The following FAM98B variants were observed in gnomAD, a reference collection of about 807,000 sequenced individuals.
The protein encoded by FAM98B is tRNA-splicing ligase complex subunit FAM98B.
A neutral mutation model predicts 43.9 loss-of-function variants in FAM98B; 32 were observed. The observed-to-expected ratio is 0.73, with a 90% CI of 0.55 to 0.98. The LOEUF is 0.98. Ranked by LOEUF, FAM98B falls within the 50% of genes least tolerant of loss-of-function variation. FAM98B has a pLI of 0.00. For missense variants in FAM98B, 514 were observed against 522.9 expected, an observed-to-expected ratio of 0.98 and a Z score of 0.17; for synonymous variants, 190 against 174.0, an observed-to-expected ratio of 1.09 and a Z score of -0.72.
At chr15:38,467,417 T>A (rs951200742) in intron 3 of FAM98B, among the ~76,000 whole-genome samples, 11 of 151,622 alleles carry the variant, frequency 7.3e-5, no homozygotes, top group African/African-American at 9.7e-5. Context: ...CTACAGAAAA[T>A]TTTTTTTTAA....
intron 1 of FAM98B, 123 bp from the exon 2 acceptor site, chr15:38,463,909 A>G (rs980969700): frequency 1.1e-6 from 1 of 901,348 alleles, no homozygotes; most frequent in Non-Finnish European, 1.6e-6. Context: ...TAATACATTT[A>G]ATGGCTGTGT....
chr15:38,454,210 C>T lies in FAM98B; in HGVS notation c.49C>T (p.Leu17=), dbSNP rs1266467735. ...CCAACCGACGATGGAGGGAGACGTG[C>T]TGGACACACTGGAGGCGCTGGGGTG... The part of the protein sequence containing the change: ...GPQPTMEGDV[L]DTLEALGYKG... Residue 17 remains leucine, a synonymous_variant, in exon 1 of 8, where the codon CTG becomes TTG. Coordinates refer to ENST00000397609, the MANE Select transcript of FAM98B (RefSeq NM_173611.4). 2.5e-6 allele frequency: 4 copies of T among 1,603,644 alleles called. No individual in the cohort carries two copies. Among genetic ancestry groups the T allele is most frequent in the Non-Finnish European group, 3.4e-6 (4 of 1,176,372 alleles).
chr15:38,480,209 G>T (rs929346821), intron 6 of FAM98B, among the ~76,000 whole-genome samples: 1 of 152,104 alleles, frequency 6.6e-6, no homozygotes, highest in Non-Finnish European at 1.5e-5. Flanking sequence ...ACCTCAAACA[G>T]TTAACTTTTT....
intron 4 of FAM98B, among the ~76,000 whole-genome samples, chr15:38,471,915 T>G (rs2141057977): frequency 6.6e-6 from 1 of 152,314 alleles, no homozygotes; most frequent in South Asian, 2.1e-4. Flanking sequence ...GTGAGGTGGT[T>G]ATAAATGTTT....
intron 1 of FAM98B, chr15:38,458,994 A>G (rs1889900959): frequency 2.7e-6 from 1 of 372,828 alleles, no homozygotes; most frequent in Admixed American, 3.2e-5. Flanking sequence ...CACAGGACTC[A>G]TGGAATAGGT....
At chr15:38,474,400 C>A (rs1162677970) in intron 6 of FAM98B, 102 bp downstream of exon 6, 8 of 697,246 alleles carry the variant, frequency 1.1e-5, no homozygotes, top group Non-Finnish European at 1.9e-5. Context: ...TACTTCATCA[C>A]CATCTCAACT....
At chr15:38,483,540 C>G (rs1284946375) in intron 7 of FAM98B, 1 of 151,410 alleles carries the variant, frequency 6.6e-6, no homozygotes, top group African/African-American at 2.4e-5. Context: ...GTGGCGGGTG[C>G]CTGTAGTCCC....
At chr15:38,466,247 A>C (rs1222008164) in intron 3 of FAM98B, among the ~76,000 whole-genome samples, 1 of 151,454 alleles carries the variant, frequency 6.6e-6, no homozygotes, top group Non-Finnish European at 1.5e-5. Flanking sequence ...ATTGGCATTG[A>C]AATTACCTTG....
chr15:38,481,789 A>G (rs1016826304), intron 7 of FAM98B: 1 of 580,052 alleles, frequency 1.7e-6, no homozygotes, highest in Non-Finnish European at 2.9e-6. Context: ...GTACTGACAG[A>G]TTCGTTATAT....
intron 1 of FAM98B, chr15:38,458,624 A>G (rs1889890789): frequency 5.5e-6 from 1 of 181,266 alleles, no homozygotes; most frequent in African/African-American, 2.4e-5. Flanking sequence ...CCTTACAATC[A>G]CTTCTCACTA....
intron 5 of FAM98B, 104 bp from the exon 6 acceptor site, chr15:38,474,078 C>A: frequency 1.4e-6 from 1 of 726,868 alleles, no homozygotes; most frequent in Non-Finnish European, 2.3e-6. Flanking sequence ...TCAGTAAGTA[C>A]ATCTTTTGAC....
intron 4 of FAM98B, among the ~76,000 whole-genome samples, chr15:38,472,822 G>C (rs574091418): frequency 1.6e-4 from 24 of 152,116 alleles, no homozygotes; most frequent in South Asian, 1.0e-3. Flanking sequence ...ATTTGGTTTT[G>C]TAAATATTTT....
intron 7 of FAM98B, chr15:38,481,766 G>A (rs372660117): frequency 7.8e-5 from 58 of 748,194 alleles, no homozygotes; most frequent in African/African-American, 7.3e-4. Flanking sequence ...AGAATCTTTC[G>A]GAATTGTTTC....
rs1890329323 is a variant in FAM98B, at chr15:38,484,263, G to A, written c.906G>A (p.Met302Ile). ...AATGTTTCTTCACACAGGTGCTGAT[G>A]GGAAGGGTGCCTGACAGGGGAGGCC... ...KTACAINKVL[M>I]GRVPDRGGRP... is the part of the protein sequence containing the mutation. Residue 302 changes from methionine (M) to isoleucine (I), a missense_variant, in exon 8 of 8, where the codon ATG becomes ATA. Physicochemically the swap from Met to Ile is conservative, Grantham distance 10 (BLOSUM62 1). Around this residue, in one of 2 missense-constraint regions of FAM98B, gnomAD observed 469 missense variants for 451.8 expected, o/e 1.04. Coordinates refer to ENST00000397609, the MANE Select transcript of FAM98B (RefSeq NM_173611.4). 6.5e-6 allele frequency: 10 copies of A among 1,549,656 alleles called. No homozygotes were observed. The highest frequency in any genetic ancestry group is 8.7e-6 in the Non-Finnish European group (10 of 1,146,860).
Position 38,484,216 on chromosome 15 carries a change from G to C in FAM98B, c.898-39G>C, listed in dbSNP as rs377611475. The C allele has an allele frequency of 2.0e-5, 31 of 1,527,534 alleles. No individual in the cohort carries two copies. In the East Asian group the frequency reaches 7.3e-4, roughly 36 times the overall value. The allele number at this position is 1,527,534 out of a possible 1,614,324, so 94.6% of individuals were successfully genotyped here. A position where few individuals can be genotyped will look rare whatever the true frequency, so the allele number is the denominator to read the frequency against. Reference sequence around the variant, plus strand: ...TTGAAACTTTTATGTAAACTTTTTTGAAATATTAGGAACTAAAAGAAAATG... The same window carrying C: ...TTGAAACTTTTATGTAAACTTTTTTCAAATATTAGGAACTAAAAGAAAATG... On this transcript the variant is annotated intron_variant, in intron 7 of 7. Coordinates refer to ENST00000397609, the MANE Select transcript of FAM98B (RefSeq NM_173611.4).
At chr15:38,469,540 G>T (rs1181643578) in intron 3 of FAM98B, among the ~76,000 whole-genome samples, 4 of 152,016 alleles carry the variant, frequency 2.6e-5, no homozygotes, top group African/African-American at 7.3e-5. Context: ...ACTCTTTGAG[G>T]GTAGGCATCA....
chr15:38,463,919 T>C, intron 1 of FAM98B, 113 bp from the exon 2 acceptor site: 1 of 1,014,778 alleles, frequency 9.9e-7, no homozygotes, highest in East Asian at 2.7e-5. Flanking sequence ...AATGGCTGTG[T>C]TCCAATAACA....
chr15:38,470,295 G>A lies in FAM98B; in HGVS notation c.421G>A (p.Asp141Asn). 1.3e-6 allele frequency: 2 copies of A among 1,596,812 alleles called. No individual in the cohort carries two copies. Among genetic ancestry groups the A allele is most frequent in the Non-Finnish European group, 1.7e-6 (2 of 1,171,496 alleles). Residue 141 changes from aspartate (D) to asparagine (N), a missense_variant, in exon 4 of 8, where the codon GAT (aspartate) becomes AAT (asparagine). Physicochemically the swap from Asp to Asn is conservative, Grantham distance 23. This residue lies in a region of FAM98B where 469 missense variants were observed against 451.8 expected (regional missense o/e 1.04). Transcript: ENST00000397609. ...CAAGAAACATAAAAATTCTCAATTA[G>A]ATAAAAATAGTGAAGTTTATCAGGA... ...QNKKHKNSQL[D>N]KNSEVYQEVQ... is the part of the protein sequence containing the mutation.
At chr15:38,477,563 C>G (rs1228403174) in intron 6 of FAM98B, among the ~76,000 whole-genome samples, 1 of 152,144 alleles carries the variant, frequency 6.6e-6, no homozygotes, top group Non-Finnish European at 1.5e-5. Flanking sequence ...CTGACAGATA[C>G]AGAAAAGTGA....
Sources: allele counts gnomAD v4.1 joint callset (sites outside exome capture counted in the v4.1 genomes callset), GRCh38; gene constraint gnomAD v4.1.1; regional missense constraint gnomAD v4.1.1; transcripts MANE v1.5; gene names NCBI Gene and HGNC (gene_info 2026-07-23, HGNC 2026-07-21).